Variants in ZNF713 observed in about 807,000 individuals in gnomAD.
ZNF713 encodes the protein zinc finger protein 713.
ZNF713 carries 21 observed loss-of-function variants against 28.7 expected under a neutral mutation model. That is an observed-to-expected ratio of 0.73 (90% CI 0.52 to 1.05). The LOEUF (loss-of-function observed/expected upper bound fraction) is 1.05, where lower values mean the gene tolerates loss of function less well. Among genes scored for constraint, ZNF713 ranks in the 50% least tolerant of loss-of-function variants. The probability of loss-of-function intolerance (pLI) is 0.00; values close to 1 mark genes in which losing one functional copy is unlikely to be tolerated. For synonymous variants in ZNF713, 167 were observed against 178.0 expected, an observed-to-expected ratio of 0.94 and a Z score of 0.49; for missense variants, 458 against 532.4, an observed-to-expected ratio of 0.86 and a Z score of 1.37.
At chr7:55,888,549 T>TTTG (rs994433085) in intron 1 of ZNF713, among the ~76,000 whole-genome samples, 66 of 151,892 alleles carry the variant, frequency 4.3e-4, no homozygotes, top group Admixed American at 6.6e-4. Flanking sequence ...CGTGCGGCTT[T>TTTG]TTGTTGTTGT....
chr7:55,929,724 C>T (rs1163782894), intron 6 of ZNF713, among the ~76,000 whole-genome samples: 1 of 150,986 alleles, frequency 6.6e-6, no homozygotes, highest in Non-Finnish European at 1.5e-5. Context: ...CACTGCACTC[C>T]AGCCTGGGTG....
chr7:55,901,167 C>T (rs1785568800), intron 1 of ZNF713, among the ~76,000 whole-genome samples: 1 of 152,168 alleles, frequency 6.6e-6, no homozygotes, highest in South Asian at 2.1e-4. Flanking sequence ...AATGGATTTA[C>T]AGTTCTGAGT....
intron 1 of ZNF713, among the ~76,000 whole-genome samples, chr7:55,891,693 A>G (rs1409518166): frequency 6.6e-6 from 1 of 151,982 alleles, no homozygotes. Context: ...ATCCTGTCTC[A>G]AAACAAAAAC....
intron 1 of ZNF713, among the ~76,000 whole-genome samples, chr7:55,904,719 T>G (rs1785646325): frequency 6.6e-6 from 1 of 151,978 alleles, no homozygotes; most frequent in Admixed American, 6.6e-5. Context: ...TTTTTAATGT[T>G]GGAGAGACAT....
chr7:55,911,270 C>A (rs1483209635), intron 2 of ZNF713, among the ~76,000 whole-genome samples: 1 of 152,136 alleles, frequency 6.6e-6, no homozygotes, highest in Non-Finnish European at 1.5e-5. Flanking sequence ...TGATTATTAG[C>A]AAATAATAAT....
In ZNF713 at chr7:55,923,579, C is replaced by T. The variant is rs963748193; in HGVS notation, c.215-28C>T. On this transcript the variant is annotated intron_variant, in intron 5 of 6. Coordinates refer to ENST00000429591, the MANE Select transcript of ZNF713 (RefSeq NM_182633.3). ...AGAATTTTGTTCCCAGTACAAACTCCTAAGATGTATGTTACTCCTGTGAAT... is the reference window on the plus strand; with the variant it reads ...AGAATTTTGTTCCCAGTACAAACTCTTAAGATGTATGTTACTCCTGTGAAT... 6 of 1,554,924 alleles carry T rather than the reference C, an allele frequency of 3.9e-6. No homozygotes were observed. In the African/African-American group the frequency reaches 5.5e-5, roughly 14 times the overall value.
intron 4 of ZNF713, among the ~76,000 whole-genome samples, chr7:55,914,151 A>C (rs181965064): frequency 3.3e-5 from 5 of 151,664 alleles, no homozygotes; most frequent in African/African-American, 1.2e-4. Flanking sequence ...ATTTCCAAAG[A>C]TGAGAAAATG....
chr7:55,931,521 T>C (rs1280369892), intron 6 of ZNF713, among the ~76,000 whole-genome samples: 1 of 151,874 alleles, frequency 6.6e-6, no homozygotes, highest in Non-Finnish European at 1.5e-5. Flanking sequence ...TTCAAAAAAA[T>C]TGTTTTCCCC....
intron 1 of ZNF713, among the ~76,000 whole-genome samples, chr7:55,894,481 TAAGAA>T (rs1785439788): frequency 6.6e-6 from 1 of 152,226 alleles, no homozygotes; most frequent in Non-Finnish European, 1.5e-5. Context: ...CCCATATATC[TAAGAA>T]GTGCATGTTA....
intron 6 of ZNF713, among the ~76,000 whole-genome samples, chr7:55,931,216 T>G (rs1374865564): frequency 6.6e-6 from 1 of 151,412 alleles, no homozygotes; most frequent in East Asian, 2.0e-4. Context: ...AACCTGGGAG[T>G]TGGAGGTTGC....
At chr7:55,916,861 A>G (rs972235135) in intron 4 of ZNF713, among the ~76,000 whole-genome samples, 2 of 152,240 alleles carry the variant, frequency 1.3e-5, no homozygotes, top group Non-Finnish European at 2.9e-5. Flanking sequence ...GAATTCCTTT[A>G]TAACTTTCAC....
intron 1 of ZNF713, among the ~76,000 whole-genome samples, chr7:55,898,036 C>G (rs1345259056): frequency 6.6e-6 from 1 of 150,646 alleles, no homozygotes; most frequent in African/African-American, 2.4e-5. Flanking sequence ...CAACCCCAAA[C>G]CCCACCCCAC....
At chr7:55,923,314 G>A (rs763664085) in intron 5 of ZNF713, 26 bp downstream of exon 5, 33 of 1,589,848 alleles carry the variant, frequency 2.1e-5, no homozygotes, top group Middle Eastern at 1.7e-4. Context: ...CTGTGAAACC[G>A]GAAGCCGTTC....
rs1312711757 is a variant in ZNF713, at chr7:55,890,643, A to G, written c.-583+2963A>G. ...CTGCCTCAATTAAATCATTATTACAAGAAAAAATGTATCCCTTAAGAGAAT... is the reference window on the plus strand; with the variant it reads ...CTGCCTCAATTAAATCATTATTACAGGAAAAAATGTATCCCTTAAGAGAAT... On this transcript the variant is annotated intron_variant, in intron 1 of 6. Coordinates refer to ENST00000429591, the MANE Select transcript of ZNF713 (RefSeq NM_182633.3). Among the ~76,000 whole-genome samples the G allele has an allele frequency of 2.6e-5, 4 of 152,182 alleles. No homozygotes were observed. The East Asian group carries it at 7.7e-4, about 29-fold the overall frequency.
chr7:55,913,138 T>A (rs1438535643), intron 4 of ZNF713, among the ~76,000 whole-genome samples: 1 of 151,784 alleles, frequency 6.6e-6, no homozygotes, highest in Non-Finnish European at 1.5e-5. Flanking sequence ...CACAAATTAA[T>A]GTTTCCCAAG....
intron 4 of ZNF713, among the ~76,000 whole-genome samples, chr7:55,915,226 GC>G (rs1394204783): frequency 6.6e-6 from 1 of 152,200 alleles, no homozygotes; most frequent in Non-Finnish European, 1.5e-5. Context: ...CCACATTCTA[GC>G]CCAAGGAGTT....
chr7:55,910,727 C>T (rs544925986), intron 2 of ZNF713, among the ~76,000 whole-genome samples: 8 of 152,270 alleles, frequency 5.3e-5, no homozygotes, highest in Admixed American at 2.6e-4. Context: ...AACTCCTGGC[C>T]TCACGTGATC....
In ZNF713 at chr7:55,887,628, G is replaced by GCGGCGA; in HGVS notation, c.-630_-629insACGGCG. Reference sequence around the variant, plus strand: ...GGCGGCGGCGGCGGCGGCGGCGGCGGCGGCGGCGGCGTCAGGGGGCGGAGC... The same window carrying GCGGCGA: ...GGCGGCGGCGGCGGCGGCGGCGGCGGCGGCGACGGCGGCGGCGTCAGGGGGCGGAGC... On this transcript the variant is annotated 5_prime_UTR_variant, in exon 1 of 7. Coordinates refer to ENST00000429591, the MANE Select transcript of ZNF713 (RefSeq NM_182633.3). The GCGGCGA allele has an allele frequency of 6.9e-6, 1 of 145,678 alleles. No individual in the cohort carries two copies. 9.0% of individuals were successfully genotyped at this position (145,678 alleles called of 1,614,324 possible).
intron 1 of ZNF713, among the ~76,000 whole-genome samples, chr7:55,903,743 A>G (rs571768402): frequency 3.3e-5 from 5 of 152,132 alleles, no homozygotes; most frequent in Admixed American, 6.6e-5. Context: ...TGTGATGTCA[A>G]AATCTTCCCT....
Sources: allele counts gnomAD v4.1 joint callset (sites outside exome capture counted in the v4.1 genomes callset), GRCh38; gene constraint gnomAD v4.1.1; transcripts MANE v1.5; gene names NCBI Gene and HGNC (gene_info 2026-07-23, HGNC 2026-07-21).